Variants in IFT81 observed in about 807,000 individuals in gnomAD.
The protein encoded by IFT81 is intraflagellar transport protein 81 homolog.
Under a neutral mutation model 102.6 loss-of-function variants are expected in IFT81, and 72 were observed. The observed-to-expected ratio is 0.70, with a 90% CI of 0.58 to 0.85. IFT81 has a LOEUF of 0.85. Ranked by LOEUF, IFT81 falls within the 40% of genes least tolerant of loss-of-function variation. The probability of loss-of-function intolerance (pLI) is 0.00; values close to 1 mark genes in which losing one functional copy is unlikely to be tolerated. For missense variants in IFT81, 723 were observed against 787.3 expected, an observed-to-expected ratio of 0.92 and a Z score of 0.98; for synonymous variants, 237 against 242.7, an observed-to-expected ratio of 0.98 and a Z score of 0.22.
intron 17 of IFT81, among the ~76,000 whole-genome samples, chr12:110,207,711 C>T (rs564720457): frequency 2.6e-5 from 4 of 151,298 alleles, no homozygotes; most frequent in East Asian, 2.0e-4. Flanking sequence ...TACAGGTGCC[C>T]GCCACCACGC....
intron 4 of IFT81, among the ~76,000 whole-genome samples, chr12:110,130,586 T>C (rs1894105543): frequency 6.6e-6 from 1 of 151,976 alleles, no homozygotes; most frequent in Admixed American, 6.6e-5. Context: ...GCCAGGCTGG[T>C]CTCGAACCCC....
At chr12:110,137,437 T>G (rs1378713986) in intron 8 of IFT81, among the ~76,000 whole-genome samples, 8 of 152,100 alleles carry the variant, frequency 5.3e-5, no homozygotes, top group Non-Finnish European at 1.2e-4. Context: ...TGTGCTTGTA[T>G]AAAGGACTTA....
chr12:110,211,251 G>A (rs1360830724), intron 18 of IFT81, among the ~76,000 whole-genome samples: 6 of 147,578 alleles, frequency 4.1e-5, no homozygotes, highest in African/African-American at 1.5e-4. Context: ...GTGCAGTGGT[G>A]CAATCTCAGC....
intron 3 of IFT81, 79 bp from the exon 4 acceptor site, chr12:110,128,871 G>T: frequency 9.8e-7 from 1 of 1,019,222 alleles, no homozygotes; most frequent in Non-Finnish European, 1.4e-6. Context: ...TTGTAAATCA[G>T]ATTTTGAGAA....
chr12:110,214,154 G>T (rs567280528), intron 18 of IFT81, among the ~76,000 whole-genome samples: 37 of 152,026 alleles, frequency 2.4e-4, no homozygotes, highest in African/African-American at 8.0e-4. Context: ...AGGAAAAAAA[G>T]AAATAATTTT....
intron 17 of IFT81, among the ~76,000 whole-genome samples, chr12:110,208,399 G>A (rs1291277350): frequency 3.3e-5 from 5 of 152,130 alleles, no homozygotes; most frequent in Non-Finnish European, 7.3e-5. Context: ...CCCAGTATCT[G>A]GGAGGCTAAA....
chr12:110,153,738 G>A (rs1415320680), intron 10 of IFT81, among the ~76,000 whole-genome samples: 2 of 149,512 alleles, frequency 1.3e-5, no homozygotes, highest in African/African-American at 4.9e-5. Context: ...AGCCTCCCGA[G>A]TAGCTGGGAT....
At chr12:110,147,276 G>A (rs1224813276) in intron 10 of IFT81, among the ~76,000 whole-genome samples, 3 of 152,110 alleles carry the variant, frequency 2.0e-5, no homozygotes, top group African/African-American at 4.8e-5. Context: ...TAGCATGTAC[G>A]AACTGTGGTA....
chr12:110,208,698 A>G (rs931304574), intron 17 of IFT81, among the ~76,000 whole-genome samples: 1 of 152,220 alleles, frequency 6.6e-6, no homozygotes. Flanking sequence ...TTTCACTATT[A>G]TAAGCATTGA....
chr12:110,189,095 T>C (rs1158379153), intron 12 of IFT81, among the ~76,000 whole-genome samples: 1 of 152,168 alleles, frequency 6.6e-6, no homozygotes, highest in African/African-American at 2.4e-5. Flanking sequence ...ACACTACACT[T>C]TCCTGGTTTT....
At chr12:110,182,441 G>A (rs1314344875) in intron 12 of IFT81, among the ~76,000 whole-genome samples, 2 of 152,098 alleles carry the variant, frequency 1.3e-5, no homozygotes, top group African/African-American at 4.8e-5. Context: ...CTCTGGTTTA[G>A]ATGACTTACT....
At chr12:110,172,718 G>T (rs1896801002) in intron 11 of IFT81, among the ~76,000 whole-genome samples, 1 of 152,176 alleles carries the variant, frequency 6.6e-6, no homozygotes, top group Non-Finnish European at 1.5e-5. Context: ...GAGTGCAGTG[G>T]CGTGATCTCG....
At chr12:110,179,751 TATATATATATATATATATATATACACAC>T (rs1897220463) in intron 11 of IFT81, among the ~76,000 whole-genome samples, 1 of 48,940 alleles carries the variant, frequency 2.0e-5, no homozygotes, top group African/African-American at 1.4e-4. Context: ...TATATATATA[TATATATATATATATATATATATACACAC>T]ACACACACAC....
At position 110,192,664 on chromosome 12, in the gene IFT81, C is replaced by T; in HGVS notation, c.1515C>T (p.Ala505=). The change falls in exon 14 of 19, where the codon GCC becomes GCT. Residue 505 remains alanine (A), a synonymous_variant. Transcript: ENST00000242591. ...TATCTGAAAAGAAGTCAGCTCTTGC[C>T]TCAGTTATAAAAGAGCTACGACAGT... The part of the protein sequence containing the change: ...SLVSEKKSAL[A]SVIKELRQLR... 2 of 1,590,274 alleles carry T rather than the reference C, an allele frequency of 1.3e-6. No homozygotes were observed. The highest frequency in any genetic ancestry group is 1.7e-6 in the Non-Finnish European group (2 of 1,169,052).
chr12:110,167,197 T>C (rs1896483609), intron 11 of IFT81, among the ~76,000 whole-genome samples: 1 of 152,178 alleles, frequency 6.6e-6, no homozygotes, highest in Non-Finnish European at 1.5e-5. Context: ...TGGTTTTCCT[T>C]ATTAGTAAAA....
At chr12:110,182,346 A>G (rs1049113875) in intron 12 of IFT81, among the ~76,000 whole-genome samples, 7 of 152,188 alleles carry the variant, frequency 4.6e-5, no homozygotes, top group Non-Finnish European at 2.9e-5. Flanking sequence ...TCATTGCTAC[A>G]TTTGGTTCCA....
intron 14 of IFT81, among the ~76,000 whole-genome samples, chr12:110,200,477 T>C (rs1898210178): frequency 6.6e-6 from 1 of 152,152 alleles, no homozygotes; most frequent in African/African-American, 2.4e-5. Context: ...GAACTTACCA[T>C]GAATGGAGCT....
At chr12:110,216,442 G>A (rs554043485) in intron 18 of IFT81, 56 of 450,908 alleles carry the variant, frequency 1.2e-4, no homozygotes, top group African/African-American at 1.1e-3. Flanking sequence ...CAATCCTCCT[G>A]CCTTGGCCTC....
intron 12 of IFT81, among the ~76,000 whole-genome samples, chr12:110,187,093 T>C (rs1897568477): frequency 6.6e-6 from 1 of 152,228 alleles, no homozygotes; most frequent in South Asian, 2.1e-4. Context: ...GAATTCTTAA[T>C]ATCAGTTATT....
Sources: allele counts gnomAD v4.1 joint callset (sites outside exome capture counted in the v4.1 genomes callset), GRCh38; gene constraint gnomAD v4.1.1; transcripts MANE v1.5; gene names NCBI Gene and HGNC (gene_info 2026-07-23, HGNC 2026-07-21).